ZNF462: variants seen among roughly 807,000 people sequenced by gnomAD.
ZNF462 encodes the protein zinc finger PBX1-interacting protein.
In ZNF462, 10 loss-of-function variants were observed where a neutral mutation model predicts 201.9. That is an observed-to-expected ratio of 0.05 (90% confidence interval 0.03 to 0.08). ZNF462 has a LOEUF of 0.08. ZNF462 is among the 10% of genes least tolerant of loss of function. The pLI, the probability that ZNF462 is intolerant of heterozygous loss-of-function variation, is 1.00. For synonymous variants in ZNF462, 1,227 were observed against 1,193.3 expected, an observed-to-expected ratio of 1.03 and a Z score of -0.58; for missense variants, 2,523 against 3,168.3, an observed-to-expected ratio of 0.80 and a Z score of 4.89.
intron 1 of ZNF462, among the ~76,000 whole-genome samples, chr9:106,915,413 T>A (rs1158170675): frequency 6.6e-6 from 1 of 152,226 alleles, no homozygotes; most frequent in Non-Finnish European, 1.5e-5. Context: ...GTTCTTGGGA[T>A]GTAAGAAGTT....
intron 9 of ZNF462, among the ~76,000 whole-genome samples, chr9:106,983,196 A>G (rs919038844): frequency 2.0e-5 from 3 of 152,208 alleles, no homozygotes; most frequent in Middle Eastern, 3.2e-3. Context: ...GTTAAACACA[A>G]GGGTGAGAGA....
intron 10 of ZNF462, among the ~76,000 whole-genome samples, chr9:106,987,641 T>C (rs903607917): frequency 2.0e-5 from 3 of 152,224 alleles, no homozygotes; most frequent in African/African-American, 7.2e-5. Context: ...CTATTCTTTC[T>C]GCCATGCAAA....
rs778510271 is a variant in ZNF462 at position 106,966,176 on chromosome 9, G to A, written c.6428-5829G>A. On this transcript the variant is annotated intron_variant, in intron 7 of 12. Coordinates refer to ENST00000277225, the MANE Select transcript of ZNF462 (RefSeq NM_021224.6). The surrounding 1 kb of genome is among the most constrained non-coding windows in gnomAD (Gnocchi z 4.4). ...AAAATTACAATCCATGTATTATTTT[G>A]AACTTCCTATGCTATTTTAGAACTT... Among the ~76,000 whole-genome samples the A allele has an allele frequency of 1.3e-5, 2 of 151,928 alleles. No homozygotes were observed. Among genetic ancestry groups the A allele is most frequent in the Non-Finnish European group, 2.9e-5 (2 of 67,960 alleles).
In ZNF462 at chr9:106,924,697, T is replaced by C; in HGVS notation, c.785T>C (p.Met262Thr). ...CGCCGAGAACGCTGGTGTGACCACATGATGAAGAAACACCGCAGTATGGTC... is the reference window on the plus strand; with the variant it reads ...CGCCGAGAACGCTGGTGTGACCACACGATGAAGAAACACCGCAGTATGGTC... ...TPRRERWCDH[M>T]MKKHRSMVKI... Residue 262 changes from methionine to threonine, a missense_variant, in exon 3 of 13, where the codon ATG becomes ACG. This residue lies in a region of ZNF462 where 480 missense variants were observed against 544.4 expected (regional missense o/e 0.88). Transcript: ENST00000277225. This position sits in a 1 kb window ranked among gnomAD's most constrained non-coding sequence, Gnocchi z 6.2. 1 of 1,613,598 alleles carries C rather than the reference T, an allele frequency of 6.2e-7. No individual in the cohort carries two copies. The highest frequency in any genetic ancestry group is 8.5e-7 in the Non-Finnish European group (1 of 1,179,878).
At chr9:106,868,934 C>T (rs1827465162) in intron 1 of ZNF462, among the ~76,000 whole-genome samples, 1 of 152,186 alleles carries the variant, frequency 6.6e-6, no homozygotes, top group Non-Finnish European at 1.5e-5. Context: ...AGCGTGGTTT[C>T]ATTCATAGAT....
chr9:106,861,792 T>C (rs1420019064), upstream of ZNF462, among the ~76,000 whole-genome samples: 1 of 152,176 alleles, frequency 6.6e-6, no homozygotes, highest in Non-Finnish European at 1.5e-5. Flanking sequence ...TTCAGAATGA[T>C]ACGGGAGAGA....
At chr9:106,940,378 A>G (rs948949749) in intron 7 of ZNF462, among the ~76,000 whole-genome samples, 1 of 152,190 alleles carries the variant, frequency 6.6e-6, no homozygotes, top group Non-Finnish European at 1.5e-5. Context: ...GTGTGTTTAA[A>G]ACAAGAGACT....
intron 1 of ZNF462, among the ~76,000 whole-genome samples, chr9:106,877,631 C>T (rs1371032051): frequency 6.6e-6 from 1 of 152,062 alleles, no homozygotes; most frequent in Non-Finnish European, 1.5e-5. Context: ...CTGCCCACCT[C>T]GGCCTCCCAA....
rs1830185978 is a variant in ZNF462 at position 106,926,188 on chromosome 9, A to G, written c.2276A>G (p.Gln759Arg). The change falls in exon 3 of 13, where the codon CAG (glutamine) becomes CGG (arginine). Residue 759 changes from glutamine to arginine, a missense_variant. Gln to Arg is a conservative substitution (Grantham distance 43). Coordinates refer to ENST00000277225, the MANE Select transcript of ZNF462 (RefSeq NM_021224.6). This position sits in a 1 kb window ranked among gnomAD's most constrained non-coding sequence, Gnocchi z 7.9. The part of the protein sequence containing the change: ...IEVPTSFSAQ[Q>R]IWVRDTSEPQ... The stretch of plus-strand genomic sequence containing the variant: ...GTTCCCACTTCCTTTTCTGCCCAAC[A>G]GATATGGGTAAGAGATACCAGTGAG... 1 of 1,614,228 alleles carries G rather than the reference A, an allele frequency of 6.2e-7. No individual in the cohort carries two copies. Among genetic ancestry groups the G allele is most frequent in the Non-Finnish European group, 8.5e-7 (1 of 1,180,046 alleles).
chr9:107,011,199 A>C lies in ZNF462; in HGVS notation c.*169A>C. 1.6e-6 allele frequency: 1 copy of C among 607,198 alleles called. No homozygotes were observed. The highest frequency in any genetic ancestry group is 2.9e-6 in the Non-Finnish European group (1 of 347,670). The allele number at this position is 607,198 out of a possible 1,614,324, so 37.6% of individuals were successfully genotyped here. On this transcript the variant is annotated 3_prime_UTR_variant, in exon 13 of 13. Coordinates refer to ENST00000277225, the MANE Select transcript of ZNF462 (RefSeq NM_021224.6). The surrounding 1 kb of genome is among the most constrained non-coding windows in gnomAD (Gnocchi z 5.6). Reference sequence around the variant, plus strand: ...CTGGTACCTGTGTGAGTGAGTATGTAAATTAAAGTTATTTAAATGGTTGGA... The same window carrying C: ...CTGGTACCTGTGTGAGTGAGTATGTCAATTAAAGTTATTTAAATGGTTGGA...
rs972734759 is a variant in ZNF462, at chr9:106,966,923, C to A, written c.6428-5082C>A. Among the ~76,000 whole-genome samples the A allele has an allele frequency of 6.6e-6, 1 of 152,034 alleles. No homozygotes were observed. Among genetic ancestry groups the A allele is most frequent in the African/African-American group, 2.4e-5 (1 of 41,408 alleles). On this transcript the variant is annotated intron_variant, in intron 7 of 12. Transcript: ENST00000277225. This position sits in a 1 kb window ranked among gnomAD's most constrained non-coding sequence, Gnocchi z 4.4. ...CCAAGGTACTTCTGTTCCCTTTCACCTTCACTCATATTCTCTATGCAGGGC... is the reference window on the plus strand; with the variant it reads ...CCAAGGTACTTCTGTTCCCTTTCACATTCACTCATATTCTCTATGCAGGGC...
At position 106,924,736 on chromosome 9, in the gene ZNF462, G is replaced by C. The variant is rs1478959594; in HGVS notation, c.824G>C (p.Ser275Thr). ...KHRSMVKILS[S>T]LRQQQEGTNL... ...CGCAGTATGGTCAAGATCCTTTCCA[G>C]TCTCAGACAGCAACAAGAAGGAACT... Residue 275 changes from serine to threonine, a missense_variant, in exon 3 of 13, where the codon AGT becomes ACT. Around this residue, in one of 15 missense-constraint regions of ZNF462, gnomAD observed 480 missense variants for 544.4 expected, o/e 0.88. Coordinates refer to ENST00000277225, the MANE Select transcript of ZNF462 (RefSeq NM_021224.6). This position sits in a 1 kb window ranked among gnomAD's most constrained non-coding sequence, Gnocchi z 6.2. 2 of 1,613,938 alleles carry C rather than the reference G, an allele frequency of 1.2e-6. No individual in the cohort carries two copies. Among genetic ancestry groups the C allele is most frequent in the African/African-American group, 2.7e-5 (2 of 74,868 alleles).
chr9:106,981,189 C>A lies in ZNF462; in HGVS notation c.6833-2997C>A, dbSNP rs1434132365. On this transcript the variant is annotated intron_variant, in intron 9 of 12. Coordinates refer to ENST00000277225, the MANE Select transcript of ZNF462 (RefSeq NM_021224.6). This position sits in a 1 kb window ranked among gnomAD's most constrained non-coding sequence, Gnocchi z 4.0. ...TGTCTTAGTTTGGAAATGGGAAGTT[C>A]TAGATTTCAGATTTAAGTTCAGCAG... 6.6e-6 allele frequency among the ~76,000 whole-genome samples: 1 copy of A among 152,152 alleles called. No individual in the cohort carries two copies. The highest frequency in any genetic ancestry group is 1.5e-5 in the Non-Finnish European group (1 of 68,034).
intron 1 of ZNF462, among the ~76,000 whole-genome samples, chr9:106,904,026 G>A (rs1311666935): frequency 1.3e-5 from 2 of 151,948 alleles, no homozygotes; most frequent in Non-Finnish European, 2.9e-5. Flanking sequence ...TGTTTTATAG[G>A]TCCTGTGTGA....
At position 106,929,992 on chromosome 9, in the gene ZNF462, G is replaced by C. The variant is rs900051930; in HGVS notation, c.5847+233G>C. Reference sequence around the variant, plus strand: ...CTTTGACTCCTCCCATGGCTCCCCAGGGGAGGTTTGGGGTGGTTTCTATGT... The same window carrying C: ...CTTTGACTCCTCCCATGGCTCCCCACGGGAGGTTTGGGGTGGTTTCTATGT... On this transcript the variant is annotated intron_variant, in intron 3 of 12. Coordinates refer to ENST00000277225, the MANE Select transcript of ZNF462 (RefSeq NM_021224.6). This position sits in a 1 kb window ranked among gnomAD's most constrained non-coding sequence, Gnocchi z 8.7. Among the ~76,000 whole-genome samples the C allele has an allele frequency of 1.3e-5, 2 of 152,080 alleles. No homozygotes were observed. The highest frequency in any genetic ancestry group is 6.5e-5 in the Admixed American group (1 of 15,270).
intron 7 of ZNF462, among the ~76,000 whole-genome samples, chr9:106,941,801 T>C (rs1830882661): frequency 6.6e-6 from 1 of 152,254 alleles, no homozygotes; most frequent in Non-Finnish European, 1.5e-5. Context: ...TGTATAGTTT[T>C]GCATGGCCAA....
rs532695647 is a variant in ZNF462, at chr9:106,946,900, TTACA to T, written c.6427+7799_6427+7802del. On this transcript the variant is annotated intron_variant, in intron 7 of 12. Coordinates refer to ENST00000277225, the MANE Select transcript of ZNF462 (RefSeq NM_021224.6). ...ACAATTATTTTTTTGAAAAAATAAA[TTACA>T]TACATTCTGATTGTATGTCCCAGGA... Among the ~76,000 whole-genome samples, 7 of 152,320 alleles carry T rather than the reference TTACA, an allele frequency of 4.6e-5. No homozygotes were observed. The South Asian group carries it at 1.4e-3, about 32-fold the overall frequency.
chr9:106,925,601 A>G lies in ZNF462; in HGVS notation c.1689A>G (p.Pro563=). Residue 563 remains proline, a synonymous_variant, in exon 3 of 13, where the codon CCA becomes CCG. Transcript: ENST00000277225. The surrounding 1 kb of genome is among the most constrained non-coding windows in gnomAD (Gnocchi z 7.9). ...PPSQPQPLQQ[P]QPPQLQPPHQ... Reference sequence around the variant, plus strand: ...CACAGCCACAGCCACTGCAGCAGCCACAGCCACCACAGCTGCAGCCACCAC... The same window carrying G: ...CACAGCCACAGCCACTGCAGCAGCCGCAGCCACCACAGCTGCAGCCACCAC... The G allele has an allele frequency of 6.2e-6, 10 of 1,612,998 alleles. No homozygotes were observed. The highest frequency in any genetic ancestry group is 7.6e-6 in the Non-Finnish European group (9 of 1,179,536).
rs1484987535 is a variant in ZNF462, at chr9:106,876,799, GAT to G, written c.-31+13447_-31+13448del. ...TGTTTGGCATCATTCTGGCAAAAAT[GAT>G]ATGTCGAAGAAAATTGTCCTTATTG... On this transcript the variant is annotated intron_variant, in intron 1 of 12. Coordinates refer to ENST00000277225, the MANE Select transcript of ZNF462 (RefSeq NM_021224.6). This position sits in a 1 kb window ranked among gnomAD's most constrained non-coding sequence, Gnocchi z 4.9. Among the ~76,000 whole-genome samples the G allele has an allele frequency of 1.3e-5, 2 of 152,156 alleles. No individual in the cohort carries two copies. The highest frequency in any genetic ancestry group is 2.9e-5 in the Non-Finnish European group (2 of 68,036).
Sources: allele counts gnomAD v4.1 joint callset (sites outside exome capture counted in the v4.1 genomes callset), GRCh38; gene constraint gnomAD v4.1.1; regional missense constraint gnomAD v4.1.1; non-coding constraint Gnocchi (gnomAD v3.1); transcripts MANE v1.5; gene names NCBI Gene and HGNC (gene_info 2026-07-23, HGNC 2026-07-21).